GABRR1: variants seen among roughly 807,000 people sequenced by gnomAD.
GABRR1 encodes the protein gamma-aminobutyric acid type A receptor subunit rho1, also known as gamma-aminobutyric acid receptor subunit rho-1.
Under a neutral mutation model 55.5 loss-of-function variants are expected in GABRR1, and 59 were observed. That is an observed-to-expected ratio of 1.06 (90% CI 0.86 to 1.32). The LOEUF (loss-of-function observed/expected upper bound fraction) is 1.32. Ranked by LOEUF, GABRR1 falls within the 40% of genes most tolerant of loss-of-function variation. GABRR1 has a pLI of 0.00. For missense variants in GABRR1, 602 were observed against 619.1 expected (o/e 0.97, Z 0.29); for synonymous variants, 213 against 226.0 (o/e 0.94, Z 0.51).
intron 9 of GABRR1, among the ~76,000 whole-genome samples, chr6:89,179,268 T>TC (rs777040561): frequency 4.3e-4 from 66 of 151,800 alleles, no homozygotes; most frequent in Non-Finnish European, 8.5e-4. Context: ...CAGGCTGGAG[T>TC]GCAATGGCAC....
chr6:89,192,492 C>G (rs1308168189), intron 5 of GABRR1, among the ~76,000 whole-genome samples: 1 of 151,954 alleles, frequency 6.6e-6, no homozygotes, highest in African/African-American at 2.4e-5. Flanking sequence ...AATGCTTTCC[C>G]GAAAAAATTT....
Position 89,212,168 on chromosome 6 carries a change from A to G in GABRR1, c.122+5033T>C, listed in dbSNP as rs1375966532. 2.0e-5 allele frequency: 13 copies of G among 649,184 alleles called. 3 individuals are homozygous for G. The highest frequency in any genetic ancestry group is 3.7e-6 in the Non-Finnish European group (2 of 544,418). The allele number at this position is 649,184 out of a possible 1,614,324, so 40.2% of individuals were successfully genotyped here. A position where few individuals can be genotyped will look rare whatever the true frequency, so the allele number is the denominator to read the frequency against. ...GCATCACCATCTACTCAGTCGTACAATCCAAAGACCTGCCGAACATTCACC... is the reference window on the plus strand; with the variant it reads ...GCATCACCATCTACTCAGTCGTACAGTCCAAAGACCTGCCGAACATTCACC... On this transcript the variant is annotated intron_variant, in intron 1 of 9. Coordinates refer to ENST00000454853, the MANE Select transcript of GABRR1 (RefSeq NM_002042.5).
At chr6:89,191,293 C>T (rs918834416) in intron 5 of GABRR1, among the ~76,000 whole-genome samples, 2 of 152,046 alleles carry the variant, frequency 1.3e-5, no homozygotes, top group Non-Finnish European at 2.9e-5. Flanking sequence ...GTGCAGAGGT[C>T]GAGGTGGGGG....
At chr6:89,213,375 G>A (rs745692978) in intron 1 of GABRR1, among the ~76,000 whole-genome samples, 3 of 152,210 alleles carry the variant, frequency 2.0e-5, no homozygotes, top group Non-Finnish European at 2.9e-5. Context: ...ACATAAAAAT[G>A]AAGTTTAACC....
Position 89,177,512 on chromosome 6 carries a change from A to G in GABRR1, c.*1258T>C, listed in dbSNP as rs907600374. Reference sequence around the variant, plus strand: ...AAATGAAAATGACATTATTGTGTATATAATTCACTTTATTAAAGTGAGTTT... The same window carrying G: ...AAATGAAAATGACATTATTGTGTATGTAATTCACTTTATTAAAGTGAGTTT... On this transcript the variant is annotated 3_prime_UTR_variant, in exon 10 of 10. Transcript: ENST00000454853. 4.6e-5 allele frequency: 7 copies of G among 152,228 alleles called. No homozygotes were observed. The highest frequency in any genetic ancestry group is 3.2e-3 in the Middle Eastern group (1 of 316). The allele number at this position is 152,228 out of a possible 1,614,324, so 9.4% of individuals were successfully genotyped here.
chr6:89,222,951 G>A (rs1171599669), intron 1 of GABRR1, among the ~76,000 whole-genome samples: 1 of 152,182 alleles, frequency 6.6e-6, no homozygotes, highest in African/African-American at 2.4e-5. Flanking sequence ...TTTGATAGCA[G>A]AGGCTTAATT....
At chr6:89,207,786 G>A (rs1013210105) in intron 1 of GABRR1, among the ~76,000 whole-genome samples, 21 of 152,124 alleles carry the variant, frequency 1.4e-4, no homozygotes, top group Admixed American at 1.3e-3. Context: ...CAAATCTCAG[G>A]TGATTCCAAT....
In GABRR1 at chr6:89,177,687, G is replaced by C. The variant is rs530815595; in HGVS notation, c.*1083C>G. 2.0e-5 allele frequency: 3 copies of C among 152,246 alleles called. No individual in the cohort carries two copies. The highest frequency in any genetic ancestry group is 4.4e-5 in the Non-Finnish European group (3 of 68,026). The allele number at this position is 152,246 out of a possible 1,614,324, so 9.4% of individuals were successfully genotyped here. ...GACATCAGTTGCCATTGGGCCATCC[G>C]TCTGCCTGGTATCTGGGCTGTGTGG... is the stretch of plus-strand genomic sequence containing the variant. On this transcript the variant is annotated 3_prime_UTR_variant, in exon 10 of 10. Coordinates refer to ENST00000454853, the MANE Select transcript of GABRR1 (RefSeq NM_002042.5).
At chr6:89,179,091 G>A (rs775446702) in intron 9 of GABRR1, 28 bp from the exon 10 acceptor site, 2 of 1,602,860 alleles carry the variant, frequency 1.2e-6, no homozygotes, top group Admixed American at 1.7e-5. Context: ...ATGTTGGGGT[G>A]TGAGCTCAGC....
chr6:89,210,034 C>T (rs1772774573), intron 1 of GABRR1, among the ~76,000 whole-genome samples: 1 of 151,984 alleles, frequency 6.6e-6, no homozygotes, highest in African/African-American at 2.4e-5. Flanking sequence ...GAGGAAAGCA[C>T]CAGAAGTGGA....
chr6:89,206,672 G>A (rs1030341426), intron 1 of GABRR1, among the ~76,000 whole-genome samples: 11 of 151,378 alleles, frequency 7.3e-5, no homozygotes, highest in Non-Finnish European at 1.2e-4. Flanking sequence ...CTGGAGTGCA[G>A]TGGTGCAATT....
chr6:89,201,290 T>A (rs199886717), intron 2 of GABRR1, 25 bp from the exon 3 acceptor site: 41 of 1,472,698 alleles, frequency 2.8e-5, no homozygotes, highest in Middle Eastern at 3.5e-4. Flanking sequence ...GAAACCAGGC[T>A]GATCATATAT....
At chr6:89,217,087 C>T in intron 1 of GABRR1, 114 bp downstream of exon 1, 1 of 1,105,024 alleles carries the variant, frequency 9.0e-7, no homozygotes, top group Non-Finnish European at 1.3e-6. Context: ...AAGAAAAAGG[C>T]ATCCACACAA....
At chr6:89,203,350 G>A in intron 2 of GABRR1, 85 bp downstream of exon 2, 1 of 1,213,430 alleles carries the variant, frequency 8.2e-7, no homozygotes, top group East Asian at 2.3e-5. Context: ...TGAGGGGTCG[G>A]GGAGGGGCCC....
At chr6:89,220,690 C>A (rs1221453846), upstream of GABRR1, among the ~76,000 whole-genome samples, 1 of 152,102 alleles carries the variant, frequency 6.6e-6, no homozygotes, top group Non-Finnish European at 1.5e-5. Context: ...GACTGACTTA[C>A]TGAACTATAA....
intron 1 of GABRR1, among the ~76,000 whole-genome samples, chr6:89,222,853 T>C (rs1400032294): frequency 6.6e-6 from 1 of 152,188 alleles, no homozygotes; most frequent in Non-Finnish European, 1.5e-5. Context: ...CTAAGTTTTG[T>C]GGTCTGAACA....
chr6:89,225,407 C>T (rs1174076305), intron 1 of GABRR1, among the ~76,000 whole-genome samples: 1 of 116,392 alleles, frequency 8.6e-6, no homozygotes. Context: ...AATGCTATCC[C>T]TCCCCCCTCC....
intron 6 of GABRR1, among the ~76,000 whole-genome samples, 163 bp downstream of exon 6, chr6:89,190,002 C>T (rs191814683): frequency 1.6e-4 from 24 of 151,828 alleles, no homozygotes; most frequent in African/African-American, 5.6e-4. Flanking sequence ...GCAGAGACTG[C>T]GCCACGGCAT....
At chr6:89,207,185 AT>A (rs909195354) in intron 1 of GABRR1, among the ~76,000 whole-genome samples, 3 of 151,654 alleles carry the variant, frequency 2.0e-5, no homozygotes, top group African/African-American at 4.8e-5. Context: ...GCAAGATTAA[AT>A]TTTTTTTTAA....
Sources: allele counts gnomAD v4.1 joint callset (sites outside exome capture counted in the v4.1 genomes callset), GRCh38; gene constraint gnomAD v4.1.1; transcripts MANE v1.5; gene names NCBI Gene and HGNC (gene_info 2026-07-23, HGNC 2026-07-21).